Variants in BLVRA observed in about 807,000 individuals in gnomAD.
The protein encoded by BLVRA is biliverdin reductase A.
In BLVRA, 22 loss-of-function variants were observed where a neutral mutation model predicts 32.8. That is an observed-to-expected ratio of 0.67 (90% CI 0.48 to 0.96). The LOEUF (loss-of-function observed/expected upper bound fraction) is 0.96. Ranked by LOEUF, BLVRA falls within the 40% of genes least tolerant of loss-of-function variation. The probability of loss-of-function intolerance (pLI) is 0.00; values close to 1 mark genes in which losing one functional copy is unlikely to be tolerated. For synonymous variants in BLVRA, 119 were observed against 141.3 expected, an observed-to-expected ratio of 0.84 and a Z score of 1.12; for missense variants, 323 against 358.1, an observed-to-expected ratio of 0.90 and a Z score of 0.79.
rs189938873 is a variant in BLVRA at position 43,785,135 on chromosome 7, A to C, written c.13-2769A>C. On this transcript the variant is annotated intron_variant, in intron 2 of 7. Coordinates refer to ENST00000265523, the MANE Select transcript of BLVRA (RefSeq NM_000712.4). ...CTTTTTTTTAAGCTGGTAGAAGCAT[A>C]TCCTGGTTATTATCTGGAATGTAGT... 1.1e-4 allele frequency among the ~76,000 whole-genome samples: 17 copies of C among 152,168 alleles called. No individual in the cohort carries two copies. In the East Asian group the frequency reaches 3.1e-3, roughly 28 times the overall value.
At chr7:43,774,965 C>T (rs2095759056) in intron 2 of BLVRA, among the ~76,000 whole-genome samples, 1 of 152,154 alleles carries the variant, frequency 6.6e-6, no homozygotes, top group Non-Finnish European at 1.5e-5. Flanking sequence ...TATAACAATG[C>T]TTGTGATTTT....
chr7:43,777,432 G>A (rs2095762670), intron 2 of BLVRA, among the ~76,000 whole-genome samples: 1 of 150,302 alleles, frequency 6.7e-6, no homozygotes, highest in South Asian at 2.1e-4. Context: ...GAAATTCTGG[G>A]TTGAAAATTC....
intron 1 of BLVRA, chr7:43,767,497 T>A: frequency 1.6e-6 from 2 of 1,262,884 alleles, no homozygotes; most frequent in East Asian, 2.4e-5. Context: ...GTTTTTATGC[T>A]GCTATTGTTG....
chr7:43,767,416 G>A (rs1051069734), intron 1 of BLVRA: 12 of 1,592,094 alleles, frequency 7.5e-6, no homozygotes, highest in African/African-American at 6.7e-5. Context: ...TGTTCCTATC[G>A]GGTTATTTAT....
chr7:43,778,449 T>C (rs2095764243), intron 2 of BLVRA, among the ~76,000 whole-genome samples: 1 of 152,162 alleles, frequency 6.6e-6, no homozygotes, highest in Non-Finnish European at 1.5e-5. Flanking sequence ...GTGGCTGCAG[T>C]ACAGCGGTGG....
chr7:43,801,629 T>A lies in BLVRA; in HGVS notation c.460+1057T>A, dbSNP rs1019670513. ...AATTTGTACAAGAAACTGTGTTAAG[T>A]TAAGTAAGTTAAGTACAAGTAACTG... On this transcript the variant is annotated intron_variant, in intron 6 of 7. Coordinates refer to ENST00000265523, the MANE Select transcript of BLVRA (RefSeq NM_000712.4). Among the ~76,000 whole-genome samples the A allele has an allele frequency of 3.3e-5, 5 of 151,534 alleles. No homozygotes were observed. The South Asian group carries it at 1.0e-3, about 32-fold the overall frequency.
chr7:43,790,043 A>G (rs1326786227), intron 3 of BLVRA, among the ~76,000 whole-genome samples: 2 of 152,210 alleles, frequency 1.3e-5, no homozygotes, highest in African/African-American at 4.8e-5. Context: ...TGGCCCCATT[A>G]AAGAAACCTA....
At chr7:43,793,317 A>G (rs951817191) in intron 5 of BLVRA, among the ~76,000 whole-genome samples, 1 of 152,232 alleles carries the variant, frequency 6.6e-6, no homozygotes, top group Non-Finnish European at 1.5e-5. Context: ...TTGGAGGTAT[A>G]TATTTTCTCT....
At chr7:43,781,193 G>A (rs1175016619) in intron 2 of BLVRA, among the ~76,000 whole-genome samples, 3 of 149,826 alleles carry the variant, frequency 2.0e-5, no homozygotes, top group African/African-American at 7.3e-5. Context: ...TTTTTTTGGT[G>A]TAGAGGTTTA....
chr7:43,763,424 T>A (rs948584043), intron 1 of BLVRA, among the ~76,000 whole-genome samples: 1 of 152,184 alleles, frequency 6.6e-6, no homozygotes, highest in African/African-American at 2.4e-5. Flanking sequence ...TCAGCCTGCC[T>A]GCTGAGGAGG....
At chr7:43,774,407 A>AG (rs2095758188) in intron 2 of BLVRA, among the ~76,000 whole-genome samples, 1 of 152,172 alleles carries the variant, frequency 6.6e-6, no homozygotes, top group East Asian at 1.9e-4. Flanking sequence ...TCCTTTCCCC[A>AG]TTGCTTGTTT....
At chr7:43,786,563 A>G (rs1008713798) in intron 2 of BLVRA, among the ~76,000 whole-genome samples, 30 of 152,238 alleles carry the variant, frequency 2.0e-4, no homozygotes, top group African/African-American at 6.3e-4. Context: ...ACTCCACCCA[A>G]CAATAGCAGA....
intron 2 of BLVRA, among the ~76,000 whole-genome samples, chr7:43,773,559 T>C (rs2095757114): frequency 6.6e-6 from 1 of 152,262 alleles, no homozygotes; most frequent in African/African-American, 2.4e-5. Flanking sequence ...TTGGGTTGGT[T>C]CCAAGTCTTT....
intron 6 of BLVRA, among the ~76,000 whole-genome samples, chr7:43,803,087 A>G (rs1266401716): frequency 6.6e-6 from 1 of 152,170 alleles, no homozygotes; most frequent in Non-Finnish European, 1.5e-5. Flanking sequence ...AGACTAAGAA[A>G]ACATTTAACA....
chr7:43,770,040 T>C (rs1279656632), intron 1 of BLVRA, among the ~76,000 whole-genome samples: 2 of 152,230 alleles, frequency 1.3e-5, no homozygotes, highest in Non-Finnish European at 2.9e-5. Context: ...TCATTCATGG[T>C]TCTCATCCCT....
At chr7:43,801,279 AGCCACCGT>A (rs950403831) in intron 6 of BLVRA, among the ~76,000 whole-genome samples, 10 of 152,294 alleles carry the variant, frequency 6.6e-5, no homozygotes, top group African/African-American at 2.2e-4. Flanking sequence ...TACAGGCATG[AGCCACCGT>A]GCCCAGCTGA....
In BLVRA at chr7:43,787,747, G is replaced by A. The variant is rs895983795; in HGVS notation, c.13-157G>A. Among the ~76,000 whole-genome samples the A allele has an allele frequency of 1.3e-5, 2 of 152,144 alleles. No homozygotes were observed. The highest frequency in any genetic ancestry group is 2.9e-5 in the Non-Finnish European group (2 of 68,024). On this transcript the variant is annotated intron_variant, in intron 2 of 7. Coordinates refer to ENST00000265523, the MANE Select transcript of BLVRA (RefSeq NM_000712.4). This position sits in a 1 kb window ranked among gnomAD's most constrained non-coding sequence, Gnocchi z 4.5. The stretch of plus-strand genomic sequence containing the variant: ...TGACTTCTCTCCAAGCCCCCATTTC[G>A]GGGACTGTCTCATCCCATCCTGATG...
At chr7:43,782,406 C>G (rs1290820133) in intron 2 of BLVRA, among the ~76,000 whole-genome samples, 1 of 152,216 alleles carries the variant, frequency 6.6e-6, no homozygotes, top group Non-Finnish European at 1.5e-5. Context: ...GCATTTAAAG[C>G]TGGGGGCTGC....
chr7:43,762,855 C>A (rs2095743919), intron 1 of BLVRA, among the ~76,000 whole-genome samples: 2 of 151,890 alleles, frequency 1.3e-5, no homozygotes, highest in Admixed American at 6.6e-5. Flanking sequence ...CATGATCAGC[C>A]CCATGCCCGC....
Sources: allele counts gnomAD v4.1 joint callset (sites outside exome capture counted in the v4.1 genomes callset), GRCh38; gene constraint gnomAD v4.1.1; non-coding constraint Gnocchi (gnomAD v3.1); transcripts MANE v1.5; gene names NCBI Gene and HGNC (gene_info 2026-07-23, HGNC 2026-07-21).